BCL2L13: variants seen among roughly 807,000 people sequenced by gnomAD.
The protein encoded by BCL2L13 is bcl-2-like protein 13.
BCL2L13 carries 13 observed loss-of-function variants against 25.8 expected under a neutral mutation model. The ratio of observed to expected loss-of-function variants is 0.50; its 90% CI spans 0.33 to 0.80. BCL2L13 has a LOEUF of 0.80. Ranked by LOEUF, BCL2L13 falls within the 30% of genes least tolerant of loss-of-function variation. The pLI is 0.02. For synonymous variants in BCL2L13, 244 were observed against 230.3 expected, an observed-to-expected ratio of 1.06 and a Z score of -0.54; for missense variants, 504 against 574.9, an observed-to-expected ratio of 0.88 and a Z score of 1.26.
At chr22:17,708,415 T>A (rs2060650078) in intron 6 of BCL2L13, among the ~76,000 whole-genome samples, 1 of 152,236 alleles carries the variant, frequency 6.6e-6, no homozygotes, top group African/African-American at 2.4e-5. Flanking sequence ...GGAAAACTAC[T>A]TATCTTCTTT....
At chr22:17,706,420 C>T (rs1029092712) in intron 6 of BCL2L13, among the ~76,000 whole-genome samples, 1 of 151,954 alleles carries the variant, frequency 6.6e-6, no homozygotes, top group Non-Finnish European at 1.5e-5. Flanking sequence ...CTTGCCCCAG[C>T]TCTGCCAAAT....
chr22:17,677,145 C>T (rs959110395), intron 2 of BCL2L13, among the ~76,000 whole-genome samples: 1 of 151,676 alleles, frequency 6.6e-6, no homozygotes, highest in Non-Finnish European at 1.5e-5. Context: ...TATAGTGAGA[C>T]CCTATTCTCA....
chr22:17,681,564 C>T (rs150086936), intron 2 of BCL2L13, among the ~76,000 whole-genome samples: 16 of 151,848 alleles, frequency 1.1e-4, no homozygotes, highest in Admixed American at 6.6e-4. Flanking sequence ...TATAGAGGTC[C>T]TGAGAGGGTC....
chr22:17,711,803 C>A (rs1459829482), intron 6 of BCL2L13, among the ~76,000 whole-genome samples: 1 of 152,138 alleles, frequency 6.6e-6, no homozygotes, highest in Non-Finnish European at 1.5e-5. Flanking sequence ...TCACTTGAGA[C>A]CTCTCTGATC....
intron 6 of BCL2L13, among the ~76,000 whole-genome samples, chr22:17,717,578 A>G (rs1255264028): frequency 1.3e-5 from 2 of 152,108 alleles, no homozygotes; most frequent in Non-Finnish European, 2.9e-5. Flanking sequence ...GTGTGAGACA[A>G]CAATGCCCGG....
intron 4 of BCL2L13, among the ~76,000 whole-genome samples, chr22:17,690,807 C>T (rs1221770435): frequency 6.6e-6 from 1 of 152,006 alleles, no homozygotes; most frequent in African/African-American, 2.4e-5. Context: ...ATTTTCTTAA[C>T]CTAATATATA....
intron 6 of BCL2L13, among the ~76,000 whole-genome samples, chr22:17,726,085 C>G (rs775198843): frequency 1.3e-5 from 2 of 152,086 alleles, no homozygotes; most frequent in Non-Finnish European, 2.9e-5. Context: ...CACAGTGGCT[C>G]ACGCCTGTAA....
intron 2 of BCL2L13, among the ~76,000 whole-genome samples, chr22:17,680,561 A>G (rs2059719349): frequency 6.9e-6 from 1 of 145,274 alleles, no homozygotes; most frequent in Non-Finnish European, 1.5e-5. Flanking sequence ...ACTCATACCT[A>G]GAAAGGTTGG....
intron 2 of BCL2L13, among the ~76,000 whole-genome samples, chr22:17,673,377 T>C (rs1014111330): frequency 6.7e-6 from 1 of 149,626 alleles, no homozygotes; most frequent in African/African-American, 2.5e-5. Context: ...TTTTTTTTTT[T>C]TTGAGACAGA....
chr22:17,691,200 A>G (rs1237590182), intron 4 of BCL2L13, among the ~76,000 whole-genome samples: 1 of 151,982 alleles, frequency 6.6e-6, no homozygotes, highest in Non-Finnish European at 1.5e-5. Flanking sequence ...TCTTAACCAG[A>G]GCACGTGTAC....
rs551824171 is a variant in BCL2L13 at position 17,693,326 on chromosome 22, T to C, written c.387-2815T>C. ...AGTGGACAGAGCAGAAAAATGCCTTTGGGGTAGTTTATTTATTTATTTATT... is the reference window on the plus strand; with the variant it reads ...AGTGGACAGAGCAGAAAAATGCCTTCGGGGTAGTTTATTTATTTATTTATT... On this transcript the variant is annotated intron_variant, in intron 4 of 6. Coordinates refer to ENST00000317582, the MANE Select transcript of BCL2L13 (RefSeq NM_015367.4). Among the ~76,000 whole-genome samples, 24 of 150,048 alleles carry C rather than the reference T, an allele frequency of 1.6e-4. No individual in the cohort carries two copies. The East Asian group carries it at 4.3e-3, about 27-fold the overall frequency.
chr22:17,649,610 C>G (rs1291313437), intron 1 of BCL2L13, among the ~76,000 whole-genome samples: 1 of 152,032 alleles, frequency 6.6e-6, no homozygotes, highest in Non-Finnish European at 1.5e-5. Context: ...TCAAGTGATT[C>G]TCCTGCCTCA....
intron 4 of BCL2L13, among the ~76,000 whole-genome samples, chr22:17,689,954 A>T (rs1004786068): frequency 6.6e-6 from 1 of 152,166 alleles, no homozygotes; most frequent in African/African-American, 2.4e-5. Flanking sequence ...TATAGAAGGA[A>T]CTTCTCTCCT....
chr22:17,648,550 T>TA (rs928238545), intron 1 of BCL2L13, among the ~76,000 whole-genome samples: 1 of 148,890 alleles, frequency 6.7e-6, no homozygotes, highest in Non-Finnish European at 1.5e-5. Flanking sequence ...ATTTAAAAAT[T>TA]AAAAAAAAAA....
chr22:17,663,344 A>C (rs1353769396), intron 2 of BCL2L13, among the ~76,000 whole-genome samples: 1 of 152,152 alleles, frequency 6.6e-6, no homozygotes, highest in African/African-American at 2.4e-5. Flanking sequence ...ATTAAATGTA[A>C]CTAGTTGGTG....
At chr22:17,666,399 A>G (rs1271066457) in intron 2 of BCL2L13, among the ~76,000 whole-genome samples, 13 of 152,142 alleles carry the variant, frequency 8.5e-5, no homozygotes, top group African/African-American at 2.9e-4. Flanking sequence ...AAAATGTACA[A>G]TTAATGGGCT....
chr22:17,705,874 G>C (rs1354133111), intron 6 of BCL2L13, among the ~76,000 whole-genome samples: 1 of 152,198 alleles, frequency 6.6e-6, no homozygotes, highest in Non-Finnish European at 1.5e-5. Flanking sequence ...TTGAAAACCT[G>C]CAGCAGAGGA....
chr22:17,671,331 T>C (rs1238337087), intron 2 of BCL2L13, among the ~76,000 whole-genome samples: 2 of 147,504 alleles, frequency 1.4e-5, no homozygotes, highest in African/African-American at 5.0e-5. Context: ...GAGACAGAGC[T>C]TGCAGTGAGC....
rs938714216 is a variant in BCL2L13 at position 17,729,669 on chromosome 22, A to G, written c.*2135A>G. The G allele has an allele frequency of 1.3e-5, 2 of 152,232 alleles. No homozygotes were observed. The highest frequency in any genetic ancestry group is 6.5e-5 in the Admixed American group (1 of 15,278). The allele number at this position is 152,232 out of a possible 1,614,324, so 9.4% of individuals were successfully genotyped here. On this transcript the variant is annotated 3_prime_UTR_variant, in exon 7 of 7. Coordinates refer to ENST00000317582, the MANE Select transcript of BCL2L13 (RefSeq NM_015367.4). ...CCTGTGTTGCCCACGAAAGGAAAGA[A>G]TAAGGAAGAAATGTGGTATGGAAGC...
Sources: allele counts gnomAD v4.1 joint callset (sites outside exome capture counted in the v4.1 genomes callset), GRCh38; gene constraint gnomAD v4.1.1; transcripts MANE v1.5; gene names NCBI Gene and HGNC (gene_info 2026-07-23, HGNC 2026-07-21).